Variants in PTPRJ observed in about 807,000 individuals in gnomAD.
PTPRJ encodes protein tyrosine phosphatase receptor type J.
In PTPRJ, 129 loss-of-function variants were observed where a neutral mutation model predicts 141.3. That is an observed-to-expected ratio of 0.91 (90% CI 0.79 to 1.06). The LOEUF is 1.06. PTPRJ is among the 50% of genes least tolerant of loss of function. The pLI is 0.00. For missense variants in PTPRJ, 1,601 were observed against 1,679.7 expected, an observed-to-expected ratio of 0.95 and a Z score of 0.82; for synonymous variants, 610 against 640.5, an observed-to-expected ratio of 0.95 and a Z score of 0.72.
At chr11:48,010,270 C>T (rs1854747526) in intron 1 of PTPRJ, among the ~76,000 whole-genome samples, 2 of 152,062 alleles carry the variant, frequency 1.3e-5, no homozygotes, top group Non-Finnish European at 2.9e-5. Flanking sequence ...CTCCCACTCC[C>T]AGCTTCAAGC....
intron 6 of PTPRJ, among the ~76,000 whole-genome samples, chr11:48,126,390 G>C (rs1331732050): frequency 6.6e-6 from 1 of 152,038 alleles, no homozygotes; most frequent in Non-Finnish European, 1.5e-5. Flanking sequence ...TCTCTATAAG[G>C]GGCGAGTGTG....
intron 1 of PTPRJ, among the ~76,000 whole-genome samples, chr11:48,069,531 GC>G (rs1262239716): frequency 7.3e-6 from 1 of 137,726 alleles, no homozygotes; most frequent in Non-Finnish European, 1.6e-5. Context: ...CTCACTGCAA[GC>G]TCCGCCTCCT....
intron 1 of PTPRJ, among the ~76,000 whole-genome samples, chr11:48,093,539 C>T (rs541341848): frequency 6.6e-6 from 1 of 152,250 alleles, no homozygotes; most frequent in African/African-American, 2.4e-5. Context: ...TGCAACTACA[C>T]GTCTCTATGA....
intron 1 of PTPRJ, among the ~76,000 whole-genome samples, chr11:48,071,191 A>G (rs753253493): frequency 6.6e-6 from 1 of 152,252 alleles, no homozygotes; most frequent in Non-Finnish European, 1.5e-5. Flanking sequence ...GGGGTTCCGA[A>G]CAGATATAAT....
chr11:48,117,052 A>G (rs1032555220), intron 3 of PTPRJ, among the ~76,000 whole-genome samples: 28 of 152,246 alleles, frequency 1.8e-4, no homozygotes, highest in Non-Finnish European at 3.1e-4. Flanking sequence ...TGATCTTGCC[A>G]TCTCCCACAG....
At chr11:48,117,540 CAAAAAAAAAAAAAAAAAAAAAA>C (rs71045545) in intron 3 of PTPRJ, among the ~76,000 whole-genome samples, 1 of 19,674 alleles carries the variant, frequency 5.1e-5, no homozygotes, top group African/African-American at 2.4e-4. Flanking sequence ...GATTCTGTCT[CAAAAAAAAAAAAAAAAAAAAAA>C]AAAAAAAAAA....
chr11:48,034,197 A>T (rs957605570), intron 1 of PTPRJ, among the ~76,000 whole-genome samples: 1 of 152,044 alleles, frequency 6.6e-6, no homozygotes, highest in African/African-American at 2.4e-5. Flanking sequence ...CGTGGGGAGG[A>T]TGTGCTGTGT....
intron 1 of PTPRJ, among the ~76,000 whole-genome samples, chr11:48,072,672 T>C (rs1178991942): frequency 6.6e-6 from 1 of 152,234 alleles, no homozygotes; most frequent in Admixed American, 6.5e-5. Context: ...CAGAAGATCA[T>C]TGGCTTTTGT....
rs748461970 is a variant in PTPRJ at position 48,148,294 on chromosome 11, G to A, written c.3000-1153G>A. On this transcript the variant is annotated intron_variant, in intron 15 of 24. Transcript: ENST00000418331. ...AAAAATAAATAGGAAATCTGCAATCGCAGAACCCACACAAAACTACTCTTA... is the reference window on the plus strand; with the variant it reads ...AAAAATAAATAGGAAATCTGCAATCACAGAACCCACACAAAACTACTCTTA... 5.5e-4 allele frequency among the ~76,000 whole-genome samples: 83 copies of A among 152,148 alleles called. 1 individual carries two copies. Among genetic ancestry groups the A allele is most frequent in the Non-Finnish European group, 1.1e-3 (73 of 68,038 alleles).
intron 1 of PTPRJ, among the ~76,000 whole-genome samples, chr11:48,046,908 ATATATTTTTTT>A (rs1175318074): frequency 2.3e-5 from 2 of 85,906 alleles, no homozygotes; most frequent in African/African-American, 1.7e-4. Context: ...ATATATATAT[ATATATTTTTTT>A]TTTTTTTTTT....
chr11:48,027,781 A>G (rs1276194214), intron 1 of PTPRJ, among the ~76,000 whole-genome samples: 1 of 115,058 alleles, frequency 8.7e-6, no homozygotes, highest in African/African-American at 3.7e-5. Flanking sequence ...ACAGAGTGAG[A>G]CTCTGTCTCC....
At chr11:48,047,167 C>T (rs554355583) in intron 1 of PTPRJ, among the ~76,000 whole-genome samples, 9 of 152,102 alleles carry the variant, frequency 5.9e-5, no homozygotes, top group South Asian at 2.1e-4. Context: ...CCACCTGCCT[C>T]GGCCTCCCAA....
chr11:48,137,343 GTCCTCC>G, intron 10 of PTPRJ, 62 bp downstream of exon 10: 1 of 1,522,320 alleles, frequency 6.6e-7, no homozygotes, highest in Non-Finnish European at 8.9e-7. Context: ...TTGCAGGTCA[GTCCTCC>G]CAAGTCTGTA....
intron 1 of PTPRJ, among the ~76,000 whole-genome samples, chr11:48,086,576 C>A (rs1855717094): frequency 6.6e-6 from 1 of 152,254 alleles, no homozygotes. Flanking sequence ...CCCAGACTGT[C>A]TCCAACCTGT....
chr11:48,027,615 A>C (rs1590415900), intron 1 of PTPRJ, among the ~76,000 whole-genome samples: 1 of 151,426 alleles, frequency 6.6e-6, no homozygotes, highest in South Asian at 2.1e-4. Context: ...GTGTGATGAA[A>C]CCCTGTCTCT....
intron 1 of PTPRJ, among the ~76,000 whole-genome samples, chr11:48,066,290 G>A (rs1274411156): frequency 3.9e-5 from 6 of 152,194 alleles, no homozygotes; most frequent in Non-Finnish European, 7.3e-5. Context: ...TCAGGGATGA[G>A]TGTAAACACA....
chr11:48,123,739 A>C lies in PTPRJ; in HGVS notation c.743A>C (p.Glu248Ala), dbSNP rs766188850. The C allele has an allele frequency of 6.2e-7, 1 of 1,614,148 alleles. No individual in the cohort carries two copies. The highest frequency in any genetic ancestry group is 8.5e-7 in the Non-Finnish European group (1 of 1,180,030). ...CTTGAAAGCATTGGAAGCCATGAGGAGTTGACTCAAGACTCAAGACTTCAG... is the reference window on the plus strand; with the variant it reads ...CTTGAAAGCATTGGAAGCCATGAGGCGTTGACTCAAGACTCAAGACTTCAG... ...VLLESIGSHE[E>A]LTQDSRLQVN... Residue 248 changes from glutamate to alanine, a missense_variant, in exon 5 of 25, where the codon GAG becomes GCG. Transcript: ENST00000418331.
At chr11:48,049,515 T>TAAAAC (rs71457242) in intron 1 of PTPRJ, among the ~76,000 whole-genome samples, 12,207 of 140,842 alleles carry the variant, frequency 0.087, 615 homozygotes, top group African/African-American at 0.097. Flanking sequence ...CCGTCTCTAC[T>TAAAAC]AAAACAAAAC....
At chr11:48,166,773 T>C (rs2134392052) in intron 24 of PTPRJ, among the ~76,000 whole-genome samples, 1 of 152,338 alleles carries the variant, frequency 6.6e-6, no homozygotes, top group Admixed American at 6.5e-5. Flanking sequence ...CTCATCCAGC[T>C]CCACCTGATC....
Sources: gnomAD v4.1 joint callset for allele counts (sites outside exome capture counted in the v4.1 genomes callset) on GRCh38, gnomAD v4.1.1 for gene constraint, MANE v1.5 for transcripts, NCBI Gene and HGNC (gene_info 2026-07-23, HGNC 2026-07-21) for gene names.